The following APOA1 variants were observed in gnomAD, a reference collection of about 807,000 sequenced individuals.
APOA1 encodes apolipoprotein A1.
Under a neutral mutation model 25.9 loss-of-function variants are expected in APOA1, and 22 were observed. That is an observed-to-expected ratio of 0.85 (90% confidence interval 0.61 to 1.21). The LOEUF is 1.21. Among genes scored for constraint, APOA1 ranks in the 50% most tolerant of loss-of-function variants. The pLI is 0.00. For missense variants in APOA1, 351 were observed against 347.9 expected (o/e 1.01, Z -0.07); for synonymous variants, 163 against 152.2 (o/e 1.07, Z -0.52).
intron 2 of APOA1, 87 bp downstream of exon 2, chr11:116,837,258 C>T (rs1381386713): frequency 3.2e-6 from 5 of 1,585,568 alleles, no homozygotes; most frequent in Non-Finnish European, 4.3e-6. Context: ...AGTGAGAAAC[C>T]TGCTGCCTCT....
chr11:116,836,903 A>G (rs1565339411), intron 3 of APOA1, 98 bp downstream of exon 3: 1 of 1,350,136 alleles, frequency 7.4e-7, no homozygotes, highest in African/African-American at 1.4e-5. Flanking sequence ...GGCCCAGCTC[A>G]TCAGATATTA....
rs751028421 is a variant in APOA1 at position 116,837,114 on chromosome 11, C to G, written c.87G>C (p.Gln29His). ...GGTCCTTCACTCGATCCCAGGGGCT[C>G]TGGGGGGGTTCATCTTGCTGCCAGA... The part of the protein sequence containing the change: ...RHFWQQDEPP[Q>H]SPWDRVKDLA... Residue 29 changes from glutamine (Q) to histidine (H), a missense_variant, in exon 3 of 4, where the codon CAG becomes CAC. By Grantham distance (24) the Gln-to-His change is conservative. Coordinates refer to ENST00000236850, the MANE Select transcript of APOA1 (RefSeq NM_000039.3). 3.1e-6 allele frequency: 5 copies of G among 1,613,840 alleles called. No homozygotes were observed. The highest frequency in any genetic ancestry group is 4.2e-6 in the Non-Finnish European group (5 of 1,179,844).
Position 116,836,482 on chromosome 11 carries a change from T to G in APOA1, c.201-71A>C, listed in dbSNP as rs917716296. 1.9e-6 allele frequency: 3 copies of G among 1,591,744 alleles called. No homozygotes were observed. In the Admixed American group the frequency reaches 5.2e-5, roughly 27 times the overall value. On this transcript the variant is annotated intron_variant, in intron 3 of 3. Transcript: ENST00000236850. ...CAGCCTATCAGGGGTGAGCCCTGGGTGACACCTGTCCGCGGAGGTGCAGTG... is the reference window on the plus strand; with the variant it reads ...CAGCCTATCAGGGGTGAGCCCTGGGGGACACCTGTCCGCGGAGGTGCAGTG...
At position 116,835,969 on chromosome 11, in the gene APOA1, C is replaced by G. The variant is rs1056422827; in HGVS notation, c.643G>C (p.Glu215Gln). 3.1e-6 allele frequency: 5 copies of G among 1,610,980 alleles called. No individual in the cohort carries two copies. Among genetic ancestry groups the G allele is most frequent in the Non-Finnish European group, 4.2e-6 (5 of 1,179,912 alleles). Residue 215 changes from glutamate to glutamine, a missense_variant, in exon 4 of 4, where the codon GAG (glutamate) becomes CAG (glutamine). Glu to Gln is a conservative substitution (Grantham distance 29). Coordinates refer to ENST00000236850, the MANE Select transcript of APOA1 (RefSeq NM_000039.3). ...LKENGGARLA[E>Q]YHAKATEHLS... ...TGCTCGGTGGCCTTGGCGTGGTACT[C>G]GGCCAGTCTGGCGCCGCCGTTCTCC...
In APOA1 at chr11:116,836,401, G is replaced by C. The variant is rs779553097; in HGVS notation, c.211C>G (p.Leu71Val). The C allele has an allele frequency of 6.2e-7, 1 of 1,613,892 alleles. No individual in the cohort carries two copies. Among genetic ancestry groups the C allele is most frequent in the Non-Finnish European group, 8.5e-7 (1 of 1,180,044 alleles). ...GAGGTCACGCTGTCCCAGTTGTCAA[G>C]GAGCTTTAGGCTGGAGGGTGAGACA... The part of the protein sequence containing the change: ...ALGKQLNLKL[L>V]DNWDSVTSTF... The change falls in exon 4 of 4, where the codon CTT becomes GTT. Residue 71 changes from leucine to valine, a missense_variant. Transcript: ENST00000236850.
chr11:116,837,234 G>A lies in APOA1; in HGVS notation c.44-77C>T, dbSNP rs934800127. 31 of 1,583,822 alleles carry A rather than the reference G, an allele frequency of 2.0e-5. No individual in the cohort carries two copies. In the African/African-American group the frequency reaches 3.9e-4, roughly 20 times the overall value. The stretch of plus-strand genomic sequence containing the variant: ...AGCCGAAAGGCCAAGCTTGGAGGTG[G>A]GGGAGAGGGGGCCAGTGAGAAACCT... On this transcript the variant is annotated intron_variant, in intron 2 of 3. Transcript: ENST00000236850.
intron 2 of APOA1, 34 bp downstream of exon 2, chr11:116,837,311 C>T (rs1483055791): frequency 1.5e-5 from 23 of 1,579,332 alleles, no homozygotes; most frequent in African/African-American, 4.0e-5. Flanking sequence ...GAAAGCCCCC[C>T]GATGGTTGGC....
At position 116,836,420 on chromosome 11, in the gene APOA1, T is replaced by C. The variant is rs377207262; in HGVS notation, c.201-9A>G. On this transcript the variant is annotated splice_polypyrimidine_tract_variant and intron_variant, in intron 3 of 3. Coordinates refer to ENST00000236850, the MANE Select transcript of APOA1 (RefSeq NM_000039.3). ...TGTCAAGGAGCTTTAGGCTGGAGGGTGAGACAGAAGGGTTGAGGGCTGGCC... is the reference window on the plus strand; with the variant it reads ...TGTCAAGGAGCTTTAGGCTGGAGGGCGAGACAGAAGGGTTGAGGGCTGGCC... 3.7e-5 allele frequency: 59 copies of C among 1,613,160 alleles called. No individual in the cohort carries two copies. The East Asian group carries it at 8.9e-4, about 24-fold the overall frequency.
Position 116,835,799 on chromosome 11 carries a change from G to A in APOA1, c.*9C>T. On this transcript the variant is annotated 3_prime_UTR_variant, in exon 4 of 4. Coordinates refer to ENST00000236850, the MANE Select transcript of APOA1 (RefSeq NM_000039.3). Reference sequence around the variant, plus strand: ...CTGAGCACCGGGAAGGGGGGCGGCGGCGGGCGCCTCACTGGGTGTTGAGCT... The same window carrying A: ...CTGAGCACCGGGAAGGGGGGCGGCGACGGGCGCCTCACTGGGTGTTGAGCT... 2.5e-6 allele frequency: 4 copies of A among 1,613,078 alleles called. No homozygotes were observed. Among genetic ancestry groups the A allele is most frequent in the Admixed American group, 1.7e-5 (1 of 60,036 alleles).
rs763847275 is a variant in APOA1, at chr11:116,836,302, C to T, written c.310G>A (p.Glu104Lys). Residue 104 changes from glutamate (E) to lysine (K), a missense_variant, in exon 4 of 4, where the codon GAG (glutamate) becomes AAG (lysine). Glu to Lys is a moderately conservative substitution (Grantham distance 56). Coordinates refer to ENST00000236850, the MANE Select transcript of APOA1 (RefSeq NM_000039.3). ...TTGCTCATCTCCTGCCTCAGGCCCT[C>T]TGTCTCCTTTTCCAGGTTATCCCAG... ...EFWDNLEKET[E>K]GLRQEMSKDL... 1.2e-6 allele frequency: 2 copies of T among 1,614,210 alleles called. No homozygotes were observed. Among genetic ancestry groups the T allele is most frequent in the Non-Finnish European group, 1.7e-6 (2 of 1,180,038 alleles).
rs1448433450 is a variant in APOA1 at position 116,837,099 on chromosome 11, T to C, written c.102A>G (p.Arg34=). 1.2e-6 allele frequency: 2 copies of C among 1,614,048 alleles called. No homozygotes were observed. The highest frequency in any genetic ancestry group is 4.5e-5 in the East Asian group (2 of 44,874). Residue 34 remains arginine (R), a synonymous_variant, in exon 3 of 4, where the codon CGA becomes CGG. Coordinates refer to ENST00000236850, the MANE Select transcript of APOA1 (RefSeq NM_000039.3). ...QDEPPQSPWD[R]VKDLATVYVD... ...CGTACACAGTGGCCAGGTCCTTCACTCGATCCCAGGGGCTCTGGGGGGGTT... is the reference window on the plus strand; with the variant it reads ...CGTACACAGTGGCCAGGTCCTTCACCCGATCCCAGGGGCTCTGGGGGGGTT...
chr11:116,837,544 G>A (rs1281761329), intron 1 of APOA1, 61 bp downstream of exon 1: 7 of 881,932 alleles, frequency 7.9e-6, no homozygotes, highest in Non-Finnish European at 1.3e-5. Context: ...GCCCGGCCTG[G>A]GGCAAGGCCT....
intron 3 of APOA1, 27 bp from the exon 4 acceptor site, chr11:116,836,438 G>C: frequency 6.2e-7 from 1 of 1,612,214 alleles, no homozygotes; most frequent in Non-Finnish European, 8.5e-7. Flanking sequence ...AAGGGTTGAG[G>C]GCTGGCCTCC....
At position 116,837,462 on chromosome 11, in the gene APOA1, C is replaced by T. The variant is rs558787505; in HGVS notation, c.-20-55G>A. The T allele has an allele frequency of 1.9e-4, 283 of 1,512,584 alleles. 1 individual carries two copies. The African/African-American group carries it at 3.3e-3, about 18-fold the overall frequency. The allele number at this position is 1,512,584 out of a possible 1,614,324, so 93.7% of individuals were successfully genotyped here. A position where few individuals can be genotyped will look rare whatever the true frequency, so the allele number is the denominator to read the frequency against. ...GGGTGCCTTCAGCATGCAGAAGCCC[C>T]GTGCTCCCCCACTCATTGCAGCCAG... is the stretch of plus-strand genomic sequence containing the variant. On this transcript the variant is annotated intron_variant, in intron 1 of 3. Transcript: ENST00000236850.
At chr11:116,836,525 C>T in intron 3 of APOA1, 114 bp from the exon 4 acceptor site, 2 of 1,378,074 alleles carry the variant, frequency 1.5e-6, no homozygotes, top group Non-Finnish European at 2.0e-6. Flanking sequence ...ATTTCCAGTA[C>T]ACTCTCAACC....
At chr11:116,837,450 A>C (rs904768812) in intron 1 of APOA1, 43 bp from the exon 2 acceptor site, 7 of 1,536,610 alleles carry the variant, frequency 4.6e-6, no homozygotes, top group Non-Finnish European at 6.2e-6. Flanking sequence ...TGCCTTCAGC[A>C]TGCAGAAGCC....
intron 2 of APOA1, 77 bp from the exon 3 acceptor site, chr11:116,837,234 G>T: frequency 6.3e-7 from 1 of 1,583,938 alleles, no homozygotes; most frequent in East Asian, 2.2e-5. Context: ...CTTGGAGGTG[G>T]GGGAGAGGGG....
rs779180385 is a variant in APOA1, at chr11:116,837,162, G to C, written c.44-5C>G. 27 of 1,610,704 alleles carry C rather than the reference G, an allele frequency of 1.7e-5. No individual in the cohort carries two copies. In the Admixed American group the frequency reaches 1.8e-4, roughly 11 times the overall value. ...AGAAATGCCGAGCCTGGCTCCCTGA[G>C]GGTGGGAGGGGAGACCCAGATCAGG... On this transcript the variant is annotated splice_region_variant and splice_polypyrimidine_tract_variant and intron_variant, in intron 2 of 3. Coordinates refer to ENST00000236850, the MANE Select transcript of APOA1 (RefSeq NM_000039.3).
Position 116,835,791 on chromosome 11 carries a change from G to T in APOA1, c.*17C>A. The T allele has an allele frequency of 6.2e-7, 1 of 1,613,064 alleles. No homozygotes were observed. The highest frequency in any genetic ancestry group is 8.5e-7 in the Non-Finnish European group (1 of 1,180,004). On this transcript the variant is annotated 3_prime_UTR_variant, in exon 4 of 4. Coordinates refer to ENST00000236850, the MANE Select transcript of APOA1 (RefSeq NM_000039.3). ...CGTTTATTCTGAGCACCGGGAAGGGGGGCGGCGGCGGGCGCCTCACTGGGT... is the reference window on the plus strand; with the variant it reads ...CGTTTATTCTGAGCACCGGGAAGGGTGGCGGCGGCGGGCGCCTCACTGGGT...
Sources: allele counts gnomAD v4.1 joint callset, GRCh38; gene constraint gnomAD v4.1.1; transcripts MANE v1.5; gene names NCBI Gene and HGNC (gene_info 2026-07-23, HGNC 2026-07-21).